Variants in C12orf42 observed in about 807,000 individuals in gnomAD.
C12orf42 encodes the protein chromosome 12 open reading frame 42, also known as uncharacterized protein C12orf42.
A neutral mutation model predicts 21.6 loss-of-function variants in C12orf42; 25 were observed. That is an observed-to-expected ratio of 1.16 (90% confidence interval 0.84 to 1.62). The LOEUF (loss-of-function observed/expected upper bound fraction) is 1.62. C12orf42 is among the 40% of genes most tolerant of loss of function. The probability of loss-of-function intolerance (pLI) is 0.00; values close to 1 mark genes in which losing one functional copy is unlikely to be tolerated. For synonymous variants in C12orf42, 174 were observed against 175.0 expected, an observed-to-expected ratio of 0.99 and a Z score of 0.05; for missense variants, 483 against 459.3, an observed-to-expected ratio of 1.05 and a Z score of -0.47.
At chr12:103,095,553 G>C in the C12orf42 span, among the ~76,000 whole-genome samples, 1 of 152,162 alleles carries the variant, frequency 6.6e-6, no homozygotes, top group African/African-American at 2.4e-5. Flanking sequence ...CAATGGCCCT[G>C]TTTAAAATTG....
At chr12:103,106,558 A>G in the C12orf42 span, among the ~76,000 whole-genome samples, 1 of 152,022 alleles carries the variant, frequency 6.6e-6, no homozygotes, top group East Asian at 1.9e-4. Flanking sequence ...TTTTCTTCTG[A>G]GGGAATGTGG....
intron 10 of C12orf42, among the ~76,000 whole-genome samples, chr12:103,253,187 C>T (rs1288389761): frequency 6.6e-6 from 1 of 152,148 alleles, no homozygotes; most frequent in Admixed American, 6.5e-5. Flanking sequence ...GTACCAATAT[C>T]ATGCTGTTTT....
chr12:103,216,178 G>C, the C12orf42 span, among the ~76,000 whole-genome samples: 1 of 152,048 alleles, frequency 6.6e-6, no homozygotes, highest in South Asian at 2.1e-4. Context: ...ATGAGCCTAT[G>C]GTCTTTGGCA....
chr12:103,329,007 G>A (rs1269196911), intron 4 of C12orf42, among the ~76,000 whole-genome samples: 1 of 152,226 alleles, frequency 6.6e-6, no homozygotes, highest in Non-Finnish European at 1.5e-5. Context: ...TCTGGTGAGG[G>A]TGAAAATAAA....
intron 2 of C12orf42, among the ~76,000 whole-genome samples, chr12:103,453,343 A>T (rs1952077426): frequency 6.6e-6 from 1 of 151,900 alleles, no homozygotes; most frequent in Non-Finnish European, 1.5e-5. Context: ...AAATTTATTA[A>T]CATAAAGTTT....
At position 103,444,338 on chromosome 12, in the gene C12orf42, T is replaced by A. The variant is rs188488549; in HGVS notation, c.78+34011A>T. On this transcript the variant is annotated intron_variant, in intron 2 of 5. Coordinates refer to ENST00000548883, the MANE Select transcript of C12orf42 (RefSeq NM_198521.5). ...AGGGCTTTCTTCTGTTATTTTTTAG[T>A]TCTTAGTTTGTAACTTCTAAATAAA... Among the ~76,000 whole-genome samples the A allele has an allele frequency of 2.3e-3, 349 of 152,222 alleles. 3 individuals carry two copies. The highest frequency in any genetic ancestry group is 8.0e-3 in the African/African-American group (331 of 41,574).
At chr12:103,180,209 TGTGGCTC>T in the C12orf42 span, among the ~76,000 whole-genome samples, 1 of 152,132 alleles carries the variant, frequency 6.6e-6, no homozygotes, top group Non-Finnish European at 1.5e-5. Context: ...TACAATGGTT[TGTGGCTC>T]TTCAAAGGGT....
At chr12:103,060,952 CA>C in the C12orf42 span, among the ~76,000 whole-genome samples, 1 of 152,164 alleles carries the variant, frequency 6.6e-6, no homozygotes, top group African/African-American at 2.4e-5. Context: ...GCAATTGCAA[CA>C]AAAGCCAAAA....
intron 5 of C12orf42, chr12:103,273,986 A>G (rs760950664): frequency 1.1e-5 from 5 of 454,226 alleles, no homozygotes; most frequent in Non-Finnish European, 2.2e-5. Flanking sequence ...TCCCCCCAAG[A>G]GCACTCCTAT....
chr12:103,560,640 C>T, the C12orf42 span, among the ~76,000 whole-genome samples: 1 of 152,146 alleles, frequency 6.6e-6, no homozygotes, highest in Non-Finnish European at 1.5e-5. Context: ...AAGAAACAGC[C>T]ACTATCTGTT....
In C12orf42 at chr12:103,289,721, A is replaced by G. The variant is rs529666144; in HGVS notation, n.338-12511T>C. On this transcript the variant is annotated intron_variant and non_coding_transcript_variant, in intron 4 of 6. Coordinates refer to the C12orf42 transcript ENST00000546526. ...CAACAGTTCATTGTGATGGGGGGAAAAAACAGCTTATGGAACAATGTGTGT... is the reference window on the plus strand; with the variant it reads ...CAACAGTTCATTGTGATGGGGGGAAGAAACAGCTTATGGAACAATGTGTGT... Among the ~76,000 whole-genome samples the G allele has an allele frequency of 6.6e-5, 10 of 152,296 alleles. No individual in the cohort carries two copies. In the East Asian group the frequency reaches 9.6e-4, roughly 15 times the overall value.
chr12:103,340,180 G>A (rs1191384244), intron 4 of C12orf42, among the ~76,000 whole-genome samples: 1 of 152,220 alleles, frequency 6.6e-6, no homozygotes, highest in Non-Finnish European at 1.5e-5. Flanking sequence ...AATACTAAGA[G>A]AAGAGCGCTA....
chr12:103,226,125 A>G, the C12orf42 span, among the ~76,000 whole-genome samples: 1 of 152,228 alleles, frequency 6.6e-6, no homozygotes, highest in Admixed American at 6.5e-5. Flanking sequence ...CCCAGTGGCC[A>G]GATTTCCAGC....
intron 3 of C12orf42, among the ~76,000 whole-genome samples, chr12:103,381,262 G>C (rs181157470): frequency 6.6e-6 from 1 of 152,204 alleles, no homozygotes; most frequent in South Asian, 2.1e-4. Context: ...AAGACAGTAT[G>C]GAGAATCCAA....
At chr12:103,432,455 C>T (rs1950336219) in intron 2 of C12orf42, among the ~76,000 whole-genome samples, 1 of 152,194 alleles carries the variant, frequency 6.6e-6, no homozygotes, top group African/African-American at 2.4e-5. Flanking sequence ...GACTAGCTAC[C>T]TACTGTAACA....
chr12:103,175,759 T>A, the C12orf42 span, among the ~76,000 whole-genome samples: 1 of 152,180 alleles, frequency 6.6e-6, no homozygotes, highest in Non-Finnish European at 1.5e-5. Context: ...CAGTTGACTC[T>A]GCCCTGGAAT....
At chr12:103,540,491 A>C in the C12orf42 span, among the ~76,000 whole-genome samples, 2 of 152,176 alleles carry the variant, frequency 1.3e-5, no homozygotes, top group African/African-American at 4.8e-5. Context: ...CTAGGCGAAT[A>C]CACCTTTAGA....
chr12:103,561,109 G>A, the C12orf42 span, among the ~76,000 whole-genome samples: 1 of 152,140 alleles, frequency 6.6e-6, no homozygotes, highest in Admixed American at 6.5e-5. Context: ...CCCCCAGGGT[G>A]AATTATTAGG....
intron 10 of C12orf42, among the ~76,000 whole-genome samples, chr12:103,256,101 TATATATATATACACAC>T (rs1422734614): frequency 1.5e-3 from 60 of 38,720 alleles, no homozygotes; most frequent in South Asian, 8.1e-3. Flanking sequence ...TATATATATA[TATATATATATACACAC>T]ACACACACAC....
Sources: gnomAD v4.1 joint callset for allele counts (sites outside exome capture counted in the v4.1 genomes callset) on GRCh38, gnomAD v4.1.1 for gene constraint, MANE v1.5 for transcripts, NCBI Gene and HGNC (gene_info 2026-07-23, HGNC 2026-07-21) for gene names.